MYH15: variants seen among roughly 807,000 people sequenced by gnomAD.
MYH15 encodes myosin-15.
MYH15 carries 227 observed loss-of-function variants against 240.5 expected under a neutral mutation model. The observed-to-expected ratio is 0.94, with a 90% confidence interval of 0.85 to 1.05. MYH15 has a LOEUF of 1.05. Ranked by LOEUF, MYH15 falls within the 50% of genes least tolerant of loss-of-function variation. The pLI is 0.00. For missense variants in MYH15, 2,217 were observed against 2,247.5 expected (o/e 0.99, Z 0.27); for synonymous variants, 785 against 796.7 (o/e 0.99, Z 0.25).
At chr3:108,478,324 G>A (rs1283801899) in intron 11 of MYH15, among the ~76,000 whole-genome samples, 1 of 152,048 alleles carries the variant, frequency 6.6e-6, no homozygotes, top group Non-Finnish European at 1.5e-5. Flanking sequence ...CCTACTTTAT[G>A]TTAGTTTATT....
In MYH15 at chr3:108,381,446, CAT is replaced by C. The variant is rs1471870375; in HGVS notation, c.*97_*98del. On this transcript the variant is annotated 3_prime_UTR_variant, in exon 41 of 41. Transcript: ENST00000693548. ...TATATGGTGTGAAAAGCAATTTAAA[CAT>C]GTTTTTAAAAATGTTTCCATGCAAC... is the stretch of plus-strand genomic sequence containing the variant. 12 of 1,338,554 alleles carry C rather than the reference CAT, an allele frequency of 9.0e-6. No homozygotes were observed. The highest frequency in any genetic ancestry group is 1.3e-5 in the Non-Finnish European group (12 of 930,390). 82.9% of individuals were successfully genotyped at this position (1,338,554 alleles called of 1,614,324 possible).
chr3:108,547,932 C>T, the MYH15 span, among the ~76,000 whole-genome samples: 1 of 152,150 alleles, frequency 6.6e-6, no homozygotes, highest in African/African-American at 2.4e-5. Flanking sequence ...GAGTGTTACA[C>T]TGAAGAAACT....
intron 25 of MYH15, among the ~76,000 whole-genome samples, chr3:108,433,305 A>AC (rs1030009652): frequency 1.2e-4 from 18 of 152,110 alleles, no homozygotes; most frequent in African/African-American, 4.3e-4. Flanking sequence ...CAGTGCCTGT[A>AC]CCCCCATTGT....
Position 108,428,869 on chromosome 3 carries a change from C to A in MYH15, c.3325G>T (p.Asp1109Tyr). ...TVKELQTQIKDLKEKLEAERT... is the reference protein window; with the variant it reads ...TVKELQTQIKYLKEKLEAERT... ...TCAGCTTCTAGTTTCTCTTTCAAAT[C>A]CTTTATTTGAGTCTGTAGCAAGAAA... Residue 1109 changes from aspartate (D) to tyrosine (Y), a missense_variant, in exon 27 of 41, where the codon GAT (aspartate) becomes TAT (tyrosine). Coordinates refer to ENST00000693548, the MANE Select transcript of MYH15 (RefSeq NM_014981.3). 1.2e-6 allele frequency: 2 copies of A among 1,607,960 alleles called. No homozygotes were observed. The highest frequency in any genetic ancestry group is 1.7e-6 in the Non-Finnish European group (2 of 1,178,306).
At chr3:108,489,326 T>C (rs1015910530) in intron 9 of MYH15, among the ~76,000 whole-genome samples, 1 of 152,052 alleles carries the variant, frequency 6.6e-6, no homozygotes, top group Non-Finnish European at 1.5e-5. Flanking sequence ...CCATCACTCC[T>C]GGAATTTATA....
chr3:108,498,164 T>C lies in MYH15; in HGVS notation c.525-19A>G. On this transcript the variant is annotated intron_variant, in intron 5 of 40. Transcript: ENST00000693548. ...TTCTCCTCTGTGATTTGAAATTCAG[T>C]GATACAGTTAACTGGTTCTGATTAT... 6.2e-7 allele frequency: 1 copy of C among 1,605,986 alleles called. No homozygotes were observed. Among genetic ancestry groups the C allele is most frequent in the South Asian group, 1.1e-5 (1 of 90,892 alleles).
intron 25 of MYH15, among the ~76,000 whole-genome samples, chr3:108,432,047 A>C (rs1192235672): frequency 6.9e-6 from 1 of 144,166 alleles, no homozygotes; most frequent in African/African-American, 2.5e-5. Flanking sequence ...GGTGCTGTTA[A>C]ATGCATTCAG....
At chr3:108,540,026 C>T in the MYH15 span, among the ~76,000 whole-genome samples, 4 of 152,134 alleles carry the variant, frequency 2.6e-5, no homozygotes, top group African/African-American at 9.7e-5. Context: ...CACTTATATC[C>T]ATGTGAAATT....
rs150981789 is a variant in MYH15, at chr3:108,387,019, T to C, written c.5535+1951A>G. ...TGCTGGAGAGAGAAAATAGGACAAG[T>C]TTCCAAATGCTAAGGGGATATAAAG... On this transcript the variant is annotated intron_variant, in intron 38 of 40. Coordinates refer to ENST00000693548, the MANE Select transcript of MYH15 (RefSeq NM_014981.3). 7.5e-3 allele frequency among the ~76,000 whole-genome samples: 1,141 copies of C among 152,186 alleles called. 4 individuals are homozygous for C. Among genetic ancestry groups the C allele is most frequent in the Non-Finnish European group, 0.012 (784 of 68,006 alleles).
At chr3:108,486,984 C>T (rs1043605355) in intron 9 of MYH15, among the ~76,000 whole-genome samples, 2 of 152,184 alleles carry the variant, frequency 1.3e-5, no homozygotes, top group Non-Finnish European at 2.9e-5. Context: ...GGGTCAGCGC[C>T]CAGGGAACAT....
At chr3:108,464,582 G>A in intron 15 of MYH15, 56 bp downstream of exon 15, 4 of 1,488,378 alleles carry the variant, frequency 2.7e-6, no homozygotes, top group Non-Finnish European at 2.7e-6. Context: ...CTTTGGCTGA[G>A]CGCATTTGAA....
At chr3:108,449,905 C>T (rs1368605693) in intron 21 of MYH15, among the ~76,000 whole-genome samples, 1 of 151,816 alleles carries the variant, frequency 6.6e-6, no homozygotes, top group Non-Finnish European at 1.5e-5. Flanking sequence ...TAAAAATCAG[C>T]AATGACCTGA....
At chr3:108,448,654 G>A (rs2082948501) in intron 21 of MYH15, among the ~76,000 whole-genome samples, 1 of 151,806 alleles carries the variant, frequency 6.6e-6, no homozygotes, top group Admixed American at 6.6e-5. Context: ...CATAATAAAG[G>A]CCATATATGA....
At chr3:108,530,012 C>T (rs747262411), upstream of MYH15, among the ~76,000 whole-genome samples, 2 of 152,094 alleles carry the variant, frequency 1.3e-5, no homozygotes, top group African/African-American at 2.4e-5. Context: ...AAAGGACCAC[C>T]CAAATAAATT....
At chr3:108,526,320 C>T (rs2083670539) in intron 1 of MYH15, among the ~76,000 whole-genome samples, 1 of 152,176 alleles carries the variant, frequency 6.6e-6, no homozygotes, top group African/African-American at 2.4e-5. Context: ...TTAGTCTTCA[C>T]TAAACTGAAG....
At chr3:108,544,991 A>C in the MYH15 span, among the ~76,000 whole-genome samples, 2 of 152,158 alleles carry the variant, frequency 1.3e-5, no homozygotes, top group African/African-American at 4.8e-5. Flanking sequence ...TTTCTTAACT[A>C]CATCTTTTCC....
intron 35 of MYH15, among the ~76,000 whole-genome samples, chr3:108,397,995 A>T (rs1560315959): frequency 6.6e-6 from 1 of 152,192 alleles, no homozygotes; most frequent in Non-Finnish European, 1.5e-5. Context: ...TCACACACAC[A>T]CAAAAAGATA....
At chr3:108,533,407 T>C (rs1027196139), upstream of MYH15, among the ~76,000 whole-genome samples, 5 of 152,192 alleles carry the variant, frequency 3.3e-5, no homozygotes, top group African/African-American at 1.2e-4. Flanking sequence ...TTAGATTTTC[T>C]GTAATTAAAT....
intron 14 of MYH15, among the ~76,000 whole-genome samples, chr3:108,467,385 T>C (rs2083129462): frequency 6.6e-6 from 1 of 152,054 alleles, no homozygotes; most frequent in Admixed American, 6.6e-5. Context: ...AATGCCAAGA[T>C]GCTGCCAGTA....
Sources: allele counts gnomAD v4.1 joint callset (sites outside exome capture counted in the v4.1 genomes callset), GRCh38; gene constraint gnomAD v4.1.1; transcripts MANE v1.5; gene names NCBI Gene and HGNC (gene_info 2026-07-23, HGNC 2026-07-21).